Variants in ARHGAP24 observed in about 807,000 individuals in gnomAD.
The protein encoded by ARHGAP24 is rho GTPase-activating protein 24.
A neutral mutation model predicts 76.4 loss-of-function variants in ARHGAP24; 50 were observed. That is an observed-to-expected ratio of 0.65 (90% CI 0.52 to 0.83). The LOEUF (loss-of-function observed/expected upper bound fraction) is 0.83. Ranked by LOEUF, ARHGAP24 falls within the 40% of genes least tolerant of loss-of-function variation. The pLI, the probability that ARHGAP24 is intolerant of heterozygous loss-of-function variation, is 0.00. For missense variants in ARHGAP24, 930 were observed against 914.2 expected (o/e 1.02, Z -0.22); for synonymous variants, 345 against 323.3 (o/e 1.07, Z -0.72).
At chr4:85,828,649 T>G (rs1729840272) in intron 3 of ARHGAP24, among the ~76,000 whole-genome samples, 1 of 152,182 alleles carries the variant, frequency 6.6e-6, no homozygotes, top group South Asian at 2.1e-4. Flanking sequence ...TTACATTCTG[T>G]GTACACAGGA....
chr4:85,550,504 C>T (rs116042054), intron 1 of ARHGAP24, among the ~76,000 whole-genome samples: 3,921 of 152,164 alleles, frequency 0.026, 173 homozygotes, highest in African/African-American at 0.09. Flanking sequence ...GTTCTTTTTG[C>T]TTAAGGTTGT....
In ARHGAP24 at chr4:85,942,077, C is replaced by G. The variant is rs1736980316; in HGVS notation, c.403C>G (p.Gln135Glu). The change falls in exon 5 of 10, where the codon CAG (glutamine) becomes GAG (glutamate). Residue 135 changes from glutamine (Q) to glutamate (E), a missense_variant. Physicochemically the swap from Gln to Glu is conservative, Grantham distance 29. Coordinates refer to ENST00000395184, the MANE Select transcript of ARHGAP24 (RefSeq NM_001025616.3). Reference protein sequence around the residue: ...WGPFGGGIFGQKLEDTVRYEK... With the variant: ...WGPFGGGIFGEKLEDTVRYEK... ...CCTTTTTTTTTAAGGCATTTTTGGACAGAAACTGGAGGATACTGTTCGTTA... is the reference window on the plus strand; with the variant it reads ...CCTTTTTTTTTAAGGCATTTTTGGAGAGAAACTGGAGGATACTGTTCGTTA... 1 of 1,613,296 alleles carries G rather than the reference C, an allele frequency of 6.2e-7. No individual in the cohort carries two copies. Among genetic ancestry groups the G allele is most frequent in the Non-Finnish European group, 8.5e-7 (1 of 1,179,910 alleles).
chr4:85,595,323 G>T (rs1259288358), intron 2 of ARHGAP24, among the ~76,000 whole-genome samples: 1 of 151,996 alleles, frequency 6.6e-6, no homozygotes, highest in Non-Finnish European at 1.5e-5. Context: ...TTTGTTTTGC[G>T]CTCAGTTCGT....
At chr4:85,667,350 A>G (rs1290554820) in intron 2 of ARHGAP24, among the ~76,000 whole-genome samples, 2 of 152,140 alleles carry the variant, frequency 1.3e-5, no homozygotes, top group Non-Finnish European at 2.9e-5. Context: ...AGCCCGTCGG[A>G]AAAGCGCAGT....
chr4:85,790,193 TA>T (rs1459416898), intron 3 of ARHGAP24, among the ~76,000 whole-genome samples: 1 of 152,180 alleles, frequency 6.6e-6, no homozygotes, highest in African/African-American at 2.4e-5. Flanking sequence ...AGCACTGCTT[TA>T]AGTCATCTAA....
intron 1 of ARHGAP24, among the ~76,000 whole-genome samples, chr4:85,480,170 T>C (rs1039339366): frequency 6.6e-6 from 1 of 152,172 alleles, no homozygotes; most frequent in African/African-American, 2.4e-5. Flanking sequence ...TGAGAGTCAA[T>C]ATAAAAGAGA....
intron 2 of ARHGAP24, among the ~76,000 whole-genome samples, chr4:85,699,615 T>A (rs1383603726): frequency 2.0e-5 from 3 of 151,372 alleles, no homozygotes; most frequent in Non-Finnish European, 2.9e-5. Context: ...TTTTTTTTTT[T>A]AATTTACTTT....
intron 2 of ARHGAP24, among the ~76,000 whole-genome samples, chr4:85,670,457 G>T (rs919484525): frequency 6.6e-6 from 1 of 152,066 alleles, no homozygotes; most frequent in Non-Finnish European, 1.5e-5. Flanking sequence ...AAATTAATAC[G>T]TTCTCAATCT....
chr4:85,644,023 C>T (rs1167124796), intron 2 of ARHGAP24, among the ~76,000 whole-genome samples: 2 of 152,144 alleles, frequency 1.3e-5, no homozygotes, highest in African/African-American at 2.4e-5. Flanking sequence ...TCTTTTAAAA[C>T]TACATGCAAT....
intron 3 of ARHGAP24, among the ~76,000 whole-genome samples, chr4:85,922,968 G>T (rs1225975265): frequency 6.6e-6 from 1 of 152,180 alleles, no homozygotes; most frequent in Non-Finnish European, 1.5e-5. Flanking sequence ...GGCACTGCGG[G>T]GGTTTCCTCA....
intron 1 of ARHGAP24, among the ~76,000 whole-genome samples, chr4:85,559,462 G>A (rs1726512401): frequency 6.6e-6 from 1 of 152,138 alleles, no homozygotes; most frequent in Admixed American, 6.5e-5. Context: ...ACAATACATT[G>A]TTATAGTCAT....
chr4:85,677,881 C>T (rs1423469674), intron 2 of ARHGAP24, among the ~76,000 whole-genome samples: 1 of 151,996 alleles, frequency 6.6e-6, no homozygotes, highest in Non-Finnish European at 1.5e-5. Context: ...GACCCTATCT[C>T]TATAGAGAAT....
At chr4:85,483,742 ATTAT>A (rs1239452132) in intron 1 of ARHGAP24, among the ~76,000 whole-genome samples, 1 of 152,094 alleles carries the variant, frequency 6.6e-6, no homozygotes, top group East Asian at 1.9e-4. Flanking sequence ...TGTGCTTCTG[ATTAT>A]TTATAACTGT....
chr4:85,571,022 A>C, intron 2 of ARHGAP24: 1 of 287,272 alleles, frequency 3.5e-6, no homozygotes, highest in Non-Finnish European at 6.6e-6. Flanking sequence ...ACATCTGCTA[A>C]AAGATATATC....
intron 1 of ARHGAP24, among the ~76,000 whole-genome samples, chr4:85,534,584 G>A (rs527239495): frequency 6.6e-6 from 1 of 152,208 alleles, no homozygotes; most frequent in Non-Finnish European, 1.5e-5. Flanking sequence ...AATAAATGTG[G>A]GTTAAAAGAA....
intron 3 of ARHGAP24, among the ~76,000 whole-genome samples, chr4:85,796,722 CG>C (rs1048275246): frequency 2.0e-5 from 3 of 152,016 alleles, no homozygotes; most frequent in Non-Finnish European, 2.9e-5. Context: ...CTACTTCTGT[CG>C]GGGGGAATTG....
intron 3 of ARHGAP24, among the ~76,000 whole-genome samples, chr4:85,883,721 G>A (rs565569218): frequency 6.6e-6 from 1 of 152,260 alleles, no homozygotes; most frequent in East Asian, 1.9e-4. Flanking sequence ...AAATGATATG[G>A]TTACATAGTG....
At chr4:85,871,922 G>T (rs1172211944) in intron 3 of ARHGAP24, among the ~76,000 whole-genome samples, 1 of 151,924 alleles carries the variant, frequency 6.6e-6, no homozygotes, top group Admixed American at 6.6e-5. Flanking sequence ...ATAAGGATAA[G>T]AAGAAATGGT....
At chr4:85,664,381 G>C (rs1015454507) in intron 2 of ARHGAP24, among the ~76,000 whole-genome samples, 1 of 151,020 alleles carries the variant, frequency 6.6e-6, no homozygotes, top group Admixed American at 6.6e-5. Flanking sequence ...TTTTCATTGT[G>C]TCTATTTGAT....
Sources: gnomAD v4.1 joint callset for allele counts (sites outside exome capture counted in the v4.1 genomes callset) on GRCh38, gnomAD v4.1.1 for gene constraint, MANE v1.5 for transcripts, NCBI Gene and HGNC (gene_info 2026-07-23, HGNC 2026-07-21) for gene names.